RIN1: variants seen among roughly 807,000 people sequenced by gnomAD.
RIN1 encodes the protein ras inhibitor 1.
Under a neutral mutation model 64.9 loss-of-function variants are expected in RIN1, and 52 were observed. That is an observed-to-expected ratio of 0.80 (90% CI 0.64 to 1.01). RIN1 has a LOEUF of 1.01. Among genes scored for constraint, RIN1 ranks in the 50% least tolerant of loss-of-function variants. The probability of loss-of-function intolerance (pLI) is 0.00; values close to 1 mark genes in which losing one functional copy is unlikely to be tolerated. For synonymous variants in RIN1, 486 were observed against 483.6 expected (o/e 1.00, Z -0.06); for missense variants, 1,040 against 1,064.5 (o/e 0.98, Z 0.32).
At position 66,333,683 on chromosome 11, in the gene RIN1, A is replaced by C. The variant is rs775853816; in HGVS notation, c.1592-25T>G. The C allele has an allele frequency of 6.9e-6, 11 of 1,601,778 alleles. No homozygotes were observed. In the African/African-American group the frequency reaches 1.5e-4, roughly 21 times the overall value. ...CCTGTGGGGACATGGTGAGAGGAAG[A>C]AGCTTCAGGTACAGTCCTTGCTTTA... On this transcript the variant is annotated intron_variant, in intron 7 of 9. Coordinates refer to ENST00000311320, the MANE Select transcript of RIN1 (RefSeq NM_004292.3).
intron 7 of RIN1, 42 bp downstream of exon 7, chr11:66,333,877 C>T: frequency 6.8e-7 from 1 of 1,475,224 alleles, no homozygotes; most frequent in Non-Finnish European, 9.0e-7. Context: ...CCGCCTCTGA[C>T]TCAAAGGGGC....
At chr11:66,334,365 G>C in intron 6 of RIN1, 141 bp from the exon 7 acceptor site, 1 of 1,239,080 alleles carries the variant, frequency 8.1e-7, no homozygotes, top group East Asian at 2.5e-5. Flanking sequence ...GGAAGAGTTG[G>C]GGGAGAGAGG....
At position 66,332,270 on chromosome 11, in the gene RIN1, T is replaced by C; in HGVS notation, c.*6A>G. On this transcript the variant is annotated 3_prime_UTR_variant, in exon 10 of 10. Coordinates refer to ENST00000311320, the MANE Select transcript of RIN1 (RefSeq NM_004292.3). ...CGCCCCGAATGACCCTTCTGGCCAC[T>C]TCAAGCTACTCCTCTGCTGCCCGGC... is the stretch of plus-strand genomic sequence containing the variant. 1 of 1,613,644 alleles carries C rather than the reference T, an allele frequency of 6.2e-7. No homozygotes were observed.
In RIN1 at chr11:66,335,219, G is replaced by C. The variant is rs369402774; in HGVS notation, c.580C>G (p.Gln194Glu). 3.1e-5 allele frequency: 48 copies of C among 1,572,960 alleles called. No homozygotes were observed. The highest frequency in any genetic ancestry group is 3.9e-5 in the Non-Finnish European group (46 of 1,170,826). The change falls in exon 6 of 10, where the codon CAG (glutamine) becomes GAG (glutamate). Residue 194 changes from glutamine (Q) to glutamate (E), a missense_variant. Transcript: ENST00000311320. The stretch of plus-strand genomic sequence containing the variant: ...ACTGGGCCTCCAGCCGGGCCCCGCT[G>C]AGCCTTGATGTTGAGGGAGGAGCTC... ...FWSSSLNIKA[Q>E]RGPAGGPVLP... is the part of the protein sequence containing the mutation.
chr11:66,333,391 C>A lies in RIN1; in HGVS notation c.1742G>T (p.Ser581Ile). ...LTGEGGYYLTSLSASLALLSG... is the reference protein window; with the variant it reads ...LTGEGGYYLTILSASLALLSG... ...CAGCAGGGCCAGGCTGGCAGAGAGG[C>A]TGGTCAGGTAGTAGCCACCTGGGAC... The change falls in exon 9 of 10, where the codon AGC (serine) becomes ATC (isoleucine). Residue 581 changes from serine to isoleucine, a missense_variant. Physicochemically the swap from Ser to Ile is moderately radical, Grantham distance 142 (BLOSUM62 -2). Transcript: ENST00000311320. 1 of 1,609,958 alleles carries A rather than the reference C, an allele frequency of 6.2e-7. No homozygotes were observed.
In RIN1 at chr11:66,336,032, C is replaced by T. The variant is rs373824429; in HGVS notation, c.213G>A (p.Gln71=). 2.7e-4 allele frequency: 402 copies of T among 1,469,038 alleles called. No homozygotes were observed. Among genetic ancestry groups the T allele is most frequent in the Non-Finnish European group, 3.4e-4 (382 of 1,109,062 alleles). 91.0% of individuals were successfully genotyped at this position (1,469,038 alleles called of 1,614,324 possible). Residue 71 remains glutamine, a synonymous_variant, in exon 2 of 10, where the codon CAG becomes CAA. Transcript: ENST00000311320. ...RLLLTRPVWL[Q]LQANAAAALH... ...GTGCGGCCGCTGCGTTGGCTTGCAG[C>T]TGCAGCCACACGGGCCGGGTGAGCA...
Position 66,335,611 on chromosome 11 carries a change from G to C in RIN1, c.454C>G (p.Arg152Gly), listed in dbSNP as rs1192008669. 3 of 1,613,584 alleles carry C rather than the reference G, an allele frequency of 1.9e-6. No individual in the cohort carries two copies. The highest frequency in any genetic ancestry group is 1.6e-4 in the Middle Eastern group (1 of 6,062). ...CAGGCACCCTGCGGGCAGACTCACCGGGTGTGGCAGTAGGCACAGATGAGC... is the reference window on the plus strand; with the variant it reads ...CAGGCACCCTGCGGGCAGACTCACCCGGTGTGGCAGTAGGCACAGATGAGC... ...VQLICAYCHTRDILLLPLQLP... is the reference protein window; with the variant it reads ...VQLICAYCHTGDILLLPLQLP... The change falls in exon 4 of 10, where the codon CGG (arginine) becomes GGG (glycine). Residue 152 changes from arginine (R) to glycine (G), a missense_variant and splice_region_variant. Transcript: ENST00000311320.
chr11:66,334,483 G>A (rs1854823092), intron 6 of RIN1, 31 bp downstream of exon 6: 2 of 1,589,938 alleles, frequency 1.3e-6, no homozygotes, highest in East Asian at 2.3e-5. Context: ...GGATGGGGCA[G>A]TGCTGGAGCT....
chr11:66,334,186 T>A lies in RIN1; in HGVS notation c.1324A>T (p.Lys442Ter), dbSNP rs1224683578. 1 of 1,510,516 alleles carries A rather than the reference T, an allele frequency of 6.6e-7. No individual in the cohort carries two copies. Among genetic ancestry groups the A allele is most frequent in the Admixed American group, 2.4e-5 (1 of 41,164 alleles). 93.6% of individuals were successfully genotyped at this position (1,510,516 alleles called of 1,614,324 possible). A position where few individuals can be genotyped will look rare whatever the true frequency, so the allele number is the denominator to read the frequency against. Residue 442 changes from lysine to a stop codon, truncating the protein, a stop_gained, in exon 7 of 10, where the codon AAG becomes TAG. Coordinates refer to ENST00000311320, the MANE Select transcript of RIN1 (RefSeq NM_004292.3). LOFTEE classifies it high-confidence loss of function. The part of the protein sequence containing the change: ...LEKSLHCSVL[K>*]PLRPILAARL... ...GCTGCCAGGATGGGCCGGAGAGGCT[T>A]GAGCACAGAGCAATGCAATGACTTC...
At chr11:66,335,711 T>G (rs771115683) in intron 3 of RIN1, 29 bp from the exon 4 acceptor site, 6 of 1,612,318 alleles carry the variant, frequency 3.7e-6, no homozygotes, top group Non-Finnish European at 5.1e-6. Flanking sequence ...GAGGTGCTTC[T>G]CTGGGGAACC....
Position 66,334,612 on chromosome 11 carries a change from G to A in RIN1, c.1187C>T (p.Pro396Leu). 1 of 1,580,420 alleles carries A rather than the reference G, an allele frequency of 6.3e-7. No homozygotes were observed. The highest frequency in any genetic ancestry group is 8.6e-7 in the Non-Finnish European group (1 of 1,165,554). ...CTGACGGATGCCCTGCAGCTCCTGG[G>A]GCTCGGGCCCAGCCCGCACCTGGGT... Reference protein sequence around the residue: ...LLTQVRAGPEPQELQGIRQAL... With the variant: ...LLTQVRAGPELQELQGIRQAL... The change falls in exon 6 of 10, where the codon CCC (proline) becomes CTC (leucine). Residue 396 changes from proline to leucine, a missense_variant. Coordinates refer to ENST00000311320, the MANE Select transcript of RIN1 (RefSeq NM_004292.3).
Position 66,332,744 on chromosome 11 carries a change from G to C in RIN1, c.1884C>G (p.Leu628=), listed in dbSNP as rs1383014635. The C allele has an allele frequency of 1.3e-6, 2 of 1,515,048 alleles. No individual in the cohort carries two copies. Among genetic ancestry groups the C allele is most frequent in the Non-Finnish European group, 1.8e-6 (2 of 1,133,234 alleles). 93.9% of individuals were successfully genotyped at this position (1,515,048 alleles called of 1,614,324 possible). The stretch of plus-strand genomic sequence containing the variant: ...TGCTGGGATCCTGATAGGCTACTCG[G>C]AGGAGGTGCTATGCAGGAGGAGAAG... ...LPATHCFQHL[L]RVAYQDPSSG... is the part of the protein sequence containing the mutation. Residue 628 remains leucine (L), a synonymous_variant, in exon 10 of 10, where the codon CTC becomes CTG. Transcript: ENST00000311320.
At position 66,335,455 on chromosome 11, in the gene RIN1, G is replaced by C; in HGVS notation, c.499C>G (p.His167Asp). ...LPLQLPRAIH[H>D]AATHKELEAI... ...TCCAGCTCTTTGTGAGTGGCTGCGT[G>C]GTGGATGGCTCTGGGGAGCTGCAGC... The change falls in exon 5 of 10, where the codon CAC becomes GAC. Residue 167 changes from histidine to aspartate, a missense_variant. His to Asp is a moderately conservative substitution (Grantham distance 81). Coordinates refer to ENST00000311320, the MANE Select transcript of RIN1 (RefSeq NM_004292.3). The C allele has an allele frequency of 2.5e-6, 4 of 1,613,812 alleles. No individual in the cohort carries two copies. The highest frequency in any genetic ancestry group is 3.4e-6 in the Non-Finnish European group (4 of 1,179,766).
chr11:66,332,604 A>G lies in RIN1; in HGVS notation c.2024T>C (p.Leu675Pro). 6.2e-7 allele frequency: 1 copy of G among 1,607,136 alleles called. No individual in the cohort carries two copies. Among genetic ancestry groups the G allele is most frequent in the Middle Eastern group, 1.7e-4 (1 of 6,032 alleles). The change falls in exon 10 of 10, where the codon CTG becomes CCG. Residue 675 changes from leucine to proline, a missense_variant. Physicochemically the swap from Leu to Pro is moderately conservative, Grantham distance 98. Transcript: ENST00000311320. ...GCGGTGGTAGCCCTGCTCCTTGTAC[A>G]GGAAGAGGCCAAAAGTGTTGGGCTG... ...VTQPNTFGLF[L>P]YKEQGYHRLP...
Position 66,333,242 on chromosome 11 carries a change from G to A in RIN1, c.1875+16C>T. Reference sequence around the variant, plus strand: ...GATGGCGTCTGGCTCTGAGGACACGGTGGAGGGCCTGTTACCTGGAAGCAG... The same window carrying A: ...GATGGCGTCTGGCTCTGAGGACACGATGGAGGGCCTGTTACCTGGAAGCAG... On this transcript the variant is annotated intron_variant, in intron 9 of 9. Coordinates refer to ENST00000311320, the MANE Select transcript of RIN1 (RefSeq NM_004292.3). 6.2e-7 allele frequency: 1 copy of A among 1,608,594 alleles called. No homozygotes were observed. Among genetic ancestry groups the A allele is most frequent in the South Asian group, 1.1e-5 (1 of 90,990 alleles).
Position 66,332,133 on chromosome 11 carries a change from C to T in RIN1, c.*143G>A. 1.2e-6 allele frequency: 1 copy of T among 834,934 alleles called. No individual in the cohort carries two copies. Among genetic ancestry groups the T allele is most frequent in the Non-Finnish European group, 1.9e-6 (1 of 517,474 alleles). 51.7% of individuals were successfully genotyped at this position (834,934 alleles called of 1,614,324 possible). ...TCCAGTTCCTCAGATGTGGCAGTTCCCCCAGCTTCCCTGGAAACAAGTATC... is the reference window on the plus strand; with the variant it reads ...TCCAGTTCCTCAGATGTGGCAGTTCTCCCAGCTTCCCTGGAAACAAGTATC... On this transcript the variant is annotated 3_prime_UTR_variant, in exon 10 of 10. Transcript: ENST00000311320.
At chr11:66,332,799 T>C (rs368861368) in intron 9 of RIN1, 47 bp from the exon 10 acceptor site, 8 of 1,368,042 alleles carry the variant, frequency 5.8e-6, no homozygotes, top group Non-Finnish European at 6.9e-6. Context: ...CCGGCTGGCA[T>C]GCATCTGGCT....
chr11:66,334,380 G>C (rs1243766266), intron 6 of RIN1, 134 bp downstream of exon 6: 10 of 1,292,602 alleles, frequency 7.7e-6, no homozygotes, highest in Non-Finnish European at 1.1e-5. Context: ...GAGAGGGGAT[G>C]GAACTCTCTC....
intron 6 of RIN1, 42 bp downstream of exon 6, chr11:66,334,472 C>T (rs753329089): frequency 2.5e-6 from 4 of 1,584,162 alleles, no homozygotes; most frequent in East Asian, 4.5e-5. Flanking sequence ...AGCAGAGGGT[C>T]GGATGGGGCA....
Sources: gnomAD v4.1 joint callset for allele counts on GRCh38, gnomAD v4.1.1 for gene constraint, MANE v1.5 for transcripts, NCBI Gene and HGNC (gene_info 2026-07-23, HGNC 2026-07-21) for gene names.